Variants in GLT8D2 observed in about 807,000 individuals in gnomAD.
GLT8D2 encodes the protein glycosyltransferase 8 domain containing 2.
GLT8D2 carries 45 observed loss-of-function variants against 44.5 expected under a neutral mutation model. The observed-to-expected ratio is 1.01, with a 90% confidence interval of 0.80 to 1.30. The LOEUF (loss-of-function observed/expected upper bound fraction) is 1.30, where lower values mean the gene tolerates loss of function less well. Ranked by LOEUF, GLT8D2 falls within the 50% of genes most tolerant of loss-of-function variation. The pLI, the probability that GLT8D2 is intolerant of heterozygous loss-of-function variation, is 0.00. For missense variants in GLT8D2, 400 were observed against 430.4 expected (o/e 0.93, Z 0.62); for synonymous variants, 156 against 157.2 (o/e 0.99, Z 0.06).
intron 1 of GLT8D2, among the ~76,000 whole-genome samples, chr12:104,021,859 AGAAGAAGAAAGAAGAAGAAG>A (rs1877692320): frequency 7.5e-6 from 1 of 132,668 alleles, no homozygotes. Context: ...AAGGAGAAGG[AGAAGAAGAAAGAAGAAGAAG>A]AAGAAGAAGA....
chr12:104,047,672 C>T (rs1370612873), intron 1 of GLT8D2, among the ~76,000 whole-genome samples: 1 of 152,178 alleles, frequency 6.6e-6, no homozygotes, highest in Admixed American at 6.6e-5. Context: ...ACCCAACCAC[C>T]TCCCAAAAGG....
intron 1 of GLT8D2, among the ~76,000 whole-genome samples, chr12:104,061,977 C>CA (rs34704257): frequency 0.035 from 3,232 of 91,166 alleles, 55 homozygotes; most frequent in Middle Eastern, 0.1. Context: ...AACTCCATCT[C>CA]AAAAAAAAAA....
At chr12:104,002,666 A>T (rs1874376827) in intron 5 of GLT8D2, among the ~76,000 whole-genome samples, 1 of 152,170 alleles carries the variant, frequency 6.6e-6, no homozygotes, top group African/African-American at 2.4e-5. Flanking sequence ...AGTAGAGGCC[A>T]GGTGTGGTGG....
At chr12:104,039,094 A>T (rs1454961754) in intron 1 of GLT8D2, among the ~76,000 whole-genome samples, 1 of 152,096 alleles carries the variant, frequency 6.6e-6, no homozygotes, top group Non-Finnish European at 1.5e-5. Context: ...CTAGCCATAC[A>T]TAGAAAGCTG....
At chr12:103,997,158 C>A (rs141490252) in intron 7 of GLT8D2, among the ~76,000 whole-genome samples, 137 of 152,300 alleles carry the variant, frequency 9.0e-4, no homozygotes, top group African/African-American at 3.2e-3. Flanking sequence ...TAGCTCACTC[C>A]TAAGAATGTC....
chr12:104,012,185 AAAAAATATAT>A (rs1292501186), intron 4 of GLT8D2, among the ~76,000 whole-genome samples: 2 of 86,110 alleles, frequency 2.3e-5, no homozygotes, highest in Non-Finnish European at 4.9e-5. Flanking sequence ...AAAAAAAAAA[AAAAAATATAT>A]ATATATATAT....
chr12:104,062,077 G>A (rs751137057), intron 1 of GLT8D2, among the ~76,000 whole-genome samples: 12 of 151,548 alleles, frequency 7.9e-5, no homozygotes, highest in Non-Finnish European at 1.6e-4. Context: ...GTTTTTGTTT[G>A]TTTGTTTGTT....
intron 1 of GLT8D2, among the ~76,000 whole-genome samples, chr12:104,038,716 C>T (rs1880201776): frequency 6.6e-6 from 1 of 152,206 alleles, no homozygotes; most frequent in Non-Finnish European, 1.5e-5. Flanking sequence ...AATGGCCATA[C>T]TGCCCAAGGT....
At position 103,993,261 on chromosome 12, in the gene GLT8D2, G is replaced by GCT. The variant is rs1872996549; in HGVS notation, c.880+130_880+131insAG. On this transcript the variant is annotated intron_variant, in intron 10 of 10. Coordinates refer to ENST00000360814, the MANE Select transcript of GLT8D2 (RefSeq NM_001384711.1). ...CAGGTGAATTGCTTGAACCCAGGAA[G>GCT]CGGAGGTTCCAGTGAGCCGAGATCA... The GCT allele has an allele frequency of 1.8e-5, 13 of 709,308 alleles. No individual in the cohort carries two copies. The East Asian group carries it at 3.6e-4, about 20-fold the overall frequency. 43.9% of individuals were successfully genotyped at this position (709,308 alleles called of 1,614,324 possible).
At chr12:104,040,824 G>T (rs867986299) in intron 1 of GLT8D2, among the ~76,000 whole-genome samples, 10 of 152,166 alleles carry the variant, frequency 6.6e-5, no homozygotes, top group African/African-American at 2.2e-4. Context: ...ACTTTACTGG[G>T]TGTAAATTTG....
chr12:103,997,087 C>G (rs79327130), intron 7 of GLT8D2, among the ~76,000 whole-genome samples: 1 of 152,202 alleles, frequency 6.6e-6, no homozygotes, highest in African/African-American at 2.4e-5. Context: ...GTAGATACCA[C>G]ACCAATGCGT....
chr12:104,038,930 C>G (rs1229680665), intron 1 of GLT8D2, among the ~76,000 whole-genome samples: 1 of 152,174 alleles, frequency 6.6e-6, no homozygotes, highest in East Asian at 1.9e-4. Context: ...TAGCATGGTA[C>G]TGATGCCAAA....
upstream of GLT8D2, among the ~76,000 whole-genome samples, chr12:104,052,787 A>G (rs931320345): frequency 6.9e-6 from 1 of 144,874 alleles, no homozygotes; most frequent in Non-Finnish European, 1.5e-5. Flanking sequence ...ATTATTATGT[A>G]GAGACGTGTC....
intron 4 of GLT8D2, 95 bp from the exon 5 acceptor site, chr12:104,003,401 A>G: frequency 4.9e-6 from 5 of 1,021,064 alleles, no homozygotes; most frequent in Middle Eastern, 2.1e-4. Flanking sequence ...AAGATGGCAT[A>G]GTGTGGAAGA....
At chr12:104,059,965 G>C (rs1483248947) in intron 1 of GLT8D2, among the ~76,000 whole-genome samples, 1 of 152,084 alleles carries the variant, frequency 6.6e-6, no homozygotes, top group East Asian at 1.9e-4. Context: ...CATGTTATCC[G>C]CATTTTCTAA....
intron 3 of GLT8D2, among the ~76,000 whole-genome samples, chr12:104,016,716 AAAG>A (rs1876697777): frequency 2.6e-5 from 1 of 37,990 alleles, no homozygotes; most frequent in African/African-American, 9.8e-5. Context: ...AGAGAGAAAG[AAAG>A]AAAGAAAGAA....
At chr12:104,003,649 T>C (rs1452393314) in intron 4 of GLT8D2, among the ~76,000 whole-genome samples, 1 of 152,132 alleles carries the variant, frequency 6.6e-6, no homozygotes, top group Admixed American at 6.5e-5. Context: ...TTAGCTGGAC[T>C]GTTGATATGA....
chr12:104,008,292 G>A (rs969915030), intron 4 of GLT8D2, among the ~76,000 whole-genome samples: 3 of 152,198 alleles, frequency 2.0e-5, no homozygotes, highest in Admixed American at 6.5e-5. Context: ...GGTGGCCTCA[G>A]ATGTAGATGA....
At position 104,015,042 on chromosome 12, in the gene GLT8D2, T is replaced by G; in HGVS notation, c.83A>C (p.His28Pro). 2 of 1,613,782 alleles carry G rather than the reference T, an allele frequency of 1.2e-6. No homozygotes were observed. The highest frequency in any genetic ancestry group is 2.2e-5 in the East Asian group (1 of 44,878). ...TLCVILYKKV[H>P]KGTVPKNDAD... is the part of the protein sequence containing the mutation. The stretch of plus-strand genomic sequence containing the variant: ...GTCATTCTTGGGCACAGTCCCCTTA[T>G]GAACTTTCTTATACAGAATCACACA... Residue 28 changes from histidine to proline, a missense_variant, in exon 4 of 11, where the codon CAT becomes CCT. By Grantham distance (77) the His-to-Pro change is moderately conservative. Transcript: ENST00000360814.
Sources: gnomAD v4.1 joint callset for allele counts (sites outside exome capture counted in the v4.1 genomes callset) on GRCh38, gnomAD v4.1.1 for gene constraint, MANE v1.5 for transcripts, NCBI Gene and HGNC (gene_info 2026-07-23, HGNC 2026-07-21) for gene names.